Variants in AUTS2 observed in about 807,000 individuals in gnomAD.
AUTS2 encodes activator of transcription and developmental regulator AUTS2.
AUTS2 carries 17 observed loss-of-function variants against 112.4 expected under a neutral mutation model. The observed-to-expected ratio is 0.15, with a 90% CI of 0.10 to 0.23. AUTS2 has a LOEUF of 0.23. AUTS2 is among the 10% of genes least tolerant of loss of function. AUTS2 has a pLI of 1.00. For synonymous variants in AUTS2, 751 were observed against 702.7 expected, an observed-to-expected ratio of 1.07 and a Z score of -1.09; for missense variants, 1,510 against 1,701.6, an observed-to-expected ratio of 0.89 and a Z score of 1.98.
chr7:70,364,934 A>ATC (rs1227807693), intron 4 of AUTS2, among the ~76,000 whole-genome samples: 1 of 152,208 alleles, frequency 6.6e-6, no homozygotes, highest in Non-Finnish European at 1.5e-5. Context: ...GCTGGCACAT[A>ATC]TCTCTCAGCA....
intron 4 of AUTS2, among the ~76,000 whole-genome samples, chr7:70,391,817 C>T (rs1338199490): frequency 1.3e-5 from 2 of 152,156 alleles, no homozygotes; most frequent in South Asian, 2.1e-4. Flanking sequence ...GAAGAAATGG[C>T]AAAAGCAAAT....
chr7:70,144,076 C>A (rs895558865), intron 4 of AUTS2, among the ~76,000 whole-genome samples: 1 of 151,964 alleles, frequency 6.6e-6, no homozygotes, highest in Admixed American at 6.6e-5. Flanking sequence ...CATCCAAGCC[C>A]GTGCTGTGCC....
intron 4 of AUTS2, among the ~76,000 whole-genome samples, chr7:70,414,702 C>T (rs888208175): frequency 6.6e-5 from 10 of 152,022 alleles, no homozygotes; most frequent in Admixed American, 3.3e-4. Flanking sequence ...TGACACACAC[C>T]GAAAAGGCCT....
At chr7:70,424,069 G>T (rs908700921) in intron 4 of AUTS2, among the ~76,000 whole-genome samples, 4 of 152,174 alleles carry the variant, frequency 2.6e-5, no homozygotes, top group Admixed American at 6.5e-5. Flanking sequence ...ATCCGGTGGG[G>T]TGTGTATCAT....
intron 6 of AUTS2, among the ~76,000 whole-genome samples, chr7:70,736,959 G>A (rs1049595231): frequency 6.6e-6 from 1 of 152,136 alleles, no homozygotes; most frequent in African/African-American, 2.4e-5. Context: ...ACTTTCCGTG[G>A]TTCCAGCTAG....
At chr7:70,546,808 G>A (rs1349235328) in intron 5 of AUTS2, among the ~76,000 whole-genome samples, 1 of 151,892 alleles carries the variant, frequency 6.6e-6, no homozygotes, top group East Asian at 1.9e-4. Flanking sequence ...AAATCATTCA[G>A]GTACAGCCAG....
At chr7:70,659,068 G>A (rs1029992061) in intron 5 of AUTS2, among the ~76,000 whole-genome samples, 7 of 152,162 alleles carry the variant, frequency 4.6e-5, no homozygotes, top group Admixed American at 4.6e-4. Flanking sequence ...GCGGGCCACG[G>A]GGGTTGTTGG....
At chr7:70,711,552 C>T (rs765459572) in intron 6 of AUTS2, among the ~76,000 whole-genome samples, 13 of 152,234 alleles carry the variant, frequency 8.5e-5, no homozygotes, top group African/African-American at 1.2e-4. Flanking sequence ...CAGCTGCCAT[C>T]AGTGTCGGAG....
intron 1 of AUTS2, among the ~76,000 whole-genome samples, chr7:69,741,809 CTT>C (rs768610985): frequency 2.8e-5 from 4 of 144,678 alleles, no homozygotes; most frequent in African/African-American, 2.5e-5. Flanking sequence ...TTTGTTTTGC[CTT>C]TTTTTTTTTT....
Position 70,790,429 on chromosome 7 carries a change from C to T in AUTS2, c.3213C>T (p.Ile1071=), listed in dbSNP as rs1791843310. ...FPYPSFHWDP[I]RDPLRDPYRE... is the part of the protein sequence containing the mutation. ...ACCCTTCTTTCCACTGGGACCCCAT[C>T]CGGGACCCCTTGAGGGATCCTTACC... The change falls in exon 19 of 19, where the codon ATC becomes ATT. Residue 1071 remains isoleucine, a synonymous_variant. Coordinates refer to ENST00000342771, the MANE Select transcript of AUTS2 (RefSeq NM_015570.4). This position sits in a 1 kb window ranked among gnomAD's most constrained non-coding sequence, Gnocchi z 7.6. The T allele has an allele frequency of 6.2e-7, 1 of 1,612,704 alleles. No individual in the cohort carries two copies. Among genetic ancestry groups the T allele is most frequent in the Non-Finnish European group, 8.5e-7 (1 of 1,179,528 alleles).
chr7:69,721,939 T>C (rs1004296962), intron 1 of AUTS2, among the ~76,000 whole-genome samples: 2 of 151,752 alleles, frequency 1.3e-5, no homozygotes, highest in Non-Finnish European at 2.9e-5. Flanking sequence ...GGGGAGGACA[T>C]GTGAAACATA....
At chr7:69,865,110 T>G (rs1215808710) in intron 1 of AUTS2, among the ~76,000 whole-genome samples, 1 of 152,002 alleles carries the variant, frequency 6.6e-6, no homozygotes, top group African/African-American at 2.4e-5. Context: ...TAGGTTTTTT[T>G]TTTTTTTTTA....
chr7:70,046,910 T>C (rs375885435), intron 2 of AUTS2, among the ~76,000 whole-genome samples: 1 of 152,212 alleles, frequency 6.6e-6, no homozygotes, highest in South Asian at 2.1e-4. Context: ...TATGTGTGCA[T>C]TTAAACCCAA....
chr7:70,034,562 A>G (rs1049102933), intron 2 of AUTS2, among the ~76,000 whole-genome samples: 1 of 152,172 alleles, frequency 6.6e-6, no homozygotes, highest in East Asian at 1.9e-4. Flanking sequence ...CATTAATACT[A>G]TTTATACTTA....
intron 1 of AUTS2, among the ~76,000 whole-genome samples, chr7:69,783,016 C>T (rs1262869899): frequency 6.6e-6 from 1 of 151,960 alleles, no homozygotes; most frequent in Non-Finnish European, 1.5e-5. Flanking sequence ...GCTGTGGTGT[C>T]CCCTGGGCAT....
At chr7:70,491,589 T>G (rs927029438) in intron 5 of AUTS2, among the ~76,000 whole-genome samples, 2 of 138,802 alleles carry the variant, frequency 1.4e-5, no homozygotes, top group East Asian at 2.1e-4. Flanking sequence ...TGTATATATA[T>G]TGTGTGTGTG....
chr7:70,153,506 A>T (rs572773808), intron 4 of AUTS2, among the ~76,000 whole-genome samples: 16 of 152,312 alleles, frequency 1.1e-4, no homozygotes, highest in South Asian at 4.1e-4. Context: ...GACTGTCAGG[A>T]TGGCTCCACA....
At chr7:69,907,153 TA>T (rs1562961694) in intron 2 of AUTS2, among the ~76,000 whole-genome samples, 3 of 152,172 alleles carry the variant, frequency 2.0e-5, no homozygotes, top group Admixed American at 6.5e-5. Flanking sequence ...GAAACCAACC[TA>T]GGGGAATGCT....
intron 5 of AUTS2, among the ~76,000 whole-genome samples, chr7:70,439,357 G>T (rs566361903): frequency 6.6e-6 from 1 of 152,146 alleles, no homozygotes; most frequent in Non-Finnish European, 1.5e-5. Context: ...GACCAACATA[G>T]TGAAACCCCG....
Sources: allele counts gnomAD v4.1 joint callset (sites outside exome capture counted in the v4.1 genomes callset), GRCh38; gene constraint gnomAD v4.1.1; non-coding constraint Gnocchi (gnomAD v3.1); transcripts MANE v1.5; gene names NCBI Gene and HGNC (gene_info 2026-07-23, HGNC 2026-07-21).